The following GLS variants were observed in gnomAD, a reference collection of about 807,000 sequenced individuals.
GLS encodes glutaminase kidney isoform, mitochondrial.
In GLS, 36 loss-of-function variants were observed where a neutral mutation model predicts 86.7. That is an observed-to-expected ratio of 0.42 (90% confidence interval 0.32 to 0.55). The LOEUF (loss-of-function observed/expected upper bound fraction) is 0.55, where lower values mean the gene tolerates loss of function less well. GLS is among the 20% of genes least tolerant of loss of function. The pLI, the probability that GLS is intolerant of heterozygous loss-of-function variation, is 0.17. For synonymous variants in GLS, 317 were observed against 305.9 expected, an observed-to-expected ratio of 1.04 and a Z score of -0.38; for missense variants, 528 against 833.4, an observed-to-expected ratio of 0.63 and a Z score of 4.51.
rs1295429009 is a variant in GLS at position 190,935,728 on chromosome 2, A to C, written c.1650+4091A>C. Among the ~76,000 whole-genome samples, 2 of 151,294 alleles carry C rather than the reference A, an allele frequency of 1.3e-5. No individual in the cohort carries two copies. Among genetic ancestry groups the C allele is most frequent in the Non-Finnish European group, 3.0e-5 (2 of 67,324 alleles). ...TAATAGGAAAAACATTGCTAAACCA[A>C]ATGAAGAGTATCATCATATTGCTTT... On this transcript the variant is annotated intron_variant, in intron 14 of 17. Coordinates refer to ENST00000320717, the MANE Select transcript of GLS (RefSeq NM_014905.5). This position sits in a 1 kb window ranked among gnomAD's most constrained non-coding sequence, Gnocchi z 4.2.
In GLS at chr2:190,920,959, T is replaced by C. The variant is rs746995268; in HGVS notation, c.1039-65T>C. ...TAATAGTAGCTTTGAAATTTTGATA[T>C]TGGCTTGAAACTTAACTGTAGTGGT... On this transcript the variant is annotated intron_variant, in intron 7 of 17. Transcript: ENST00000320717. The surrounding 1 kb of genome is among the most constrained non-coding windows in gnomAD (Gnocchi z 4.2). 4 of 827,442 alleles carry C rather than the reference T, an allele frequency of 4.8e-6. No homozygotes were observed. In the African/African-American group the frequency reaches 5.1e-5, roughly 11 times the overall value. 51.3% of individuals were successfully genotyped at this position (827,442 alleles called of 1,614,324 possible). A position where few individuals can be genotyped will look rare whatever the true frequency, so the allele number is the denominator to read the frequency against.
At chr2:190,941,640 G>C (rs1489916125) in intron 14 of GLS, among the ~76,000 whole-genome samples, 1 of 152,110 alleles carries the variant, frequency 6.6e-6, no homozygotes, top group Non-Finnish European at 1.5e-5. Context: ...AGTTTTGAAG[G>C]AGTCAGAGGA....
intron 14 of GLS, chr2:190,933,496 T>A: frequency 3.3e-6 from 3 of 898,144 alleles, no homozygotes; most frequent in Non-Finnish European, 4.0e-6. Flanking sequence ...TTTTTTATTT[T>A]GCAACTCCTC....
chr2:190,936,595 C>G (rs1424947382), intron 14 of GLS, among the ~76,000 whole-genome samples: 1 of 150,982 alleles, frequency 6.6e-6, no homozygotes, highest in East Asian at 1.9e-4. Context: ...GTTTCTGTTA[C>G]CATTCCCATT....
intron 14 of GLS, among the ~76,000 whole-genome samples, chr2:190,936,063 G>A (rs548150897): frequency 1.9e-4 from 29 of 151,060 alleles, no homozygotes; most frequent in Non-Finnish European, 3.1e-4. Flanking sequence ...TTAATCTGTG[G>A]GATTTTTAAA....
chr2:190,884,489 C>T (rs1375704564), intron 1 of GLS, among the ~76,000 whole-genome samples: 1 of 152,194 alleles, frequency 6.6e-6, no homozygotes, highest in Non-Finnish European at 1.5e-5. Flanking sequence ...ATTAAAGTCA[C>T]AAACTATGTT....
chr2:190,929,372 A>C (rs1690024625), intron 12 of GLS, among the ~76,000 whole-genome samples: 1 of 152,156 alleles, frequency 6.6e-6, no homozygotes, highest in Non-Finnish European at 1.5e-5. Context: ...GGAAGAATAA[A>C]AGCATCCATA....
In GLS at chr2:190,897,874, T is replaced by C. The variant is rs1688800471; in HGVS notation, c.605+2149T>C. Among the ~76,000 whole-genome samples, 2 of 152,210 alleles carry C rather than the reference T, an allele frequency of 1.3e-5. No homozygotes were observed. Among genetic ancestry groups the C allele is most frequent in the African/African-American group, 4.8e-5 (2 of 41,452 alleles). On this transcript the variant is annotated intron_variant, in intron 3 of 17. Coordinates refer to ENST00000320717, the MANE Select transcript of GLS (RefSeq NM_014905.5). The surrounding 1 kb of genome is among the most constrained non-coding windows in gnomAD (Gnocchi z 4.3). ...TGTAGATTAATATTTTTAGACTTTTTCGGTAATCTGAGAAAACTATTATGT... is the reference window on the plus strand; with the variant it reads ...TGTAGATTAATATTTTTAGACTTTTCCGGTAATCTGAGAAAACTATTATGT...
Position 190,918,848 on chromosome 2 carries a change from G to A in GLS, c.1039-2176G>A, listed in dbSNP as rs146276905. Among the ~76,000 whole-genome samples, 247 of 152,230 alleles carry A rather than the reference G, an allele frequency of 1.6e-3. 1 individual carries two copies. Among genetic ancestry groups the A allele is most frequent in the African/African-American group, 5.4e-3 (225 of 41,556 alleles). The stretch of plus-strand genomic sequence containing the variant: ...TATTGTTGTGTCTCAGGGAATAGGG[G>A]TCCCCAAGGAGAGGGAGAGAGATGG... On this transcript the variant is annotated intron_variant, in intron 7 of 17. Transcript: ENST00000320717.
In GLS at chr2:190,930,606, A is replaced by C; in HGVS notation, c.1557+38A>C. On this transcript the variant is annotated intron_variant, in intron 13 of 17. Coordinates refer to ENST00000320717, the MANE Select transcript of GLS (RefSeq NM_014905.5). The surrounding 1 kb of genome is among the most constrained non-coding windows in gnomAD (Gnocchi z 5.0). ...TCTTAATGTAAATAATGGTGTTACAAGTTGAGCCATCCAATGATTCTTTTT... is the reference window on the plus strand; with the variant it reads ...TCTTAATGTAAATAATGGTGTTACACGTTGAGCCATCCAATGATTCTTTTT... 1.9e-6 allele frequency: 3 copies of C among 1,572,208 alleles called. No homozygotes were observed. Among genetic ancestry groups the C allele is most frequent in the Non-Finnish European group, 2.6e-6 (3 of 1,154,872 alleles).
Position 190,913,751 on chromosome 2 carries a change from A to G in GLS, c.1038+3430A>G. The G allele has an allele frequency of 1.0e-6, 1 of 979,302 alleles. No individual in the cohort carries two copies. Among genetic ancestry groups the G allele is most frequent in the Non-Finnish European group, 1.2e-6 (1 of 824,378 alleles). The allele number at this position is 979,302 out of a possible 1,614,324, so 60.7% of individuals were successfully genotyped here. A position where few individuals can be genotyped will look rare whatever the true frequency, so the allele number is the denominator to read the frequency against. On this transcript the variant is annotated intron_variant, in intron 7 of 17. Transcript: ENST00000320717. The surrounding 1 kb of genome is among the most constrained non-coding windows in gnomAD (Gnocchi z 6.1). ...GCCACACTTAATGCTTTTTCATGTT[A>G]GAAATAGTAAAAGTTACACTGTCTT...
chr2:190,937,828 C>T lies in GLS; in HGVS notation c.1650+6191C>T, dbSNP rs138115980. 5.4e-3 allele frequency among the ~76,000 whole-genome samples: 774 copies of T among 143,904 alleles called. 8 individuals carry two copies. The highest frequency in any genetic ancestry group is 0.018 in the African/African-American group (729 of 39,662). 94.4% of individuals were successfully genotyped at this position (143,904 alleles called of 152,430 possible). On this transcript the variant is annotated intron_variant, in intron 14 of 17. Coordinates refer to ENST00000320717, the MANE Select transcript of GLS (RefSeq NM_014905.5). ...CACTTGGATTGCATTGCTTTTTTGG[C>T]GGAATCTGTGGGTTTTTTTTTTTTT...
intron 7 of GLS, among the ~76,000 whole-genome samples, chr2:190,916,293 T>G (rs1445623836): frequency 6.6e-6 from 1 of 152,176 alleles, no homozygotes; most frequent in Admixed American, 6.5e-5. Context: ...CAGCTCTCAT[T>G]TATGCATGCC....
chr2:190,900,191 C>G (rs1688892290), intron 3 of GLS, among the ~76,000 whole-genome samples: 1 of 152,082 alleles, frequency 6.6e-6, no homozygotes, highest in Non-Finnish European at 1.5e-5. Flanking sequence ...GGTAAATAAA[C>G]AAGATCTCAA....
At position 190,930,741 on chromosome 2, in the gene GLS, G is replaced by A. The variant is rs1690082107; in HGVS notation, c.1557+173G>A. Reference sequence around the variant, plus strand: ...GAGGAGCTTCAAGTTGTCTCTGTCAGACAGCTCCCATTTAATTATTCCCAC... The same window carrying A: ...GAGGAGCTTCAAGTTGTCTCTGTCAAACAGCTCCCATTTAATTATTCCCAC... On this transcript the variant is annotated intron_variant, in intron 13 of 17. Coordinates refer to ENST00000320717, the MANE Select transcript of GLS (RefSeq NM_014905.5). This position sits in a 1 kb window ranked among gnomAD's most constrained non-coding sequence, Gnocchi z 5.0. 6.6e-6 allele frequency among the ~76,000 whole-genome samples: 1 copy of A among 152,100 alleles called. No homozygotes were observed. The highest frequency in any genetic ancestry group is 1.5e-5 in the Non-Finnish European group (1 of 68,014).
At position 190,897,470 on chromosome 2, in the gene GLS, A is replaced by T. The variant is rs961384273; in HGVS notation, c.605+1745A>T. Among the ~76,000 whole-genome samples, 2 of 152,208 alleles carry T rather than the reference A, an allele frequency of 1.3e-5. No individual in the cohort carries two copies. The highest frequency in any genetic ancestry group is 2.9e-5 in the Non-Finnish European group (2 of 68,030). ...TTTTAAACACTAATCCAATTTTTAAAAATCTATGCTTGTAATACAGGCAGT... is the reference window on the plus strand; with the variant it reads ...TTTTAAACACTAATCCAATTTTTAATAATCTATGCTTGTAATACAGGCAGT... On this transcript the variant is annotated intron_variant, in intron 3 of 17. Transcript: ENST00000320717. The surrounding 1 kb of genome is among the most constrained non-coding windows in gnomAD (Gnocchi z 4.3).
chr2:190,896,697 T>G (rs995270589), intron 3 of GLS: 1 of 152,234 alleles, frequency 6.6e-6, no homozygotes, highest in African/African-American at 2.4e-5. Flanking sequence ...CTTGGGTTTC[T>G]TATCTTTTCA....
rs574751361 is a variant in GLS, at chr2:190,953,093, G to T, written c.1651-472G>T. On this transcript the variant is annotated intron_variant, in intron 14 of 17. Transcript: ENST00000320717. This position sits in a 1 kb window ranked among gnomAD's most constrained non-coding sequence, Gnocchi z 4.0. ...TTTAAGATGACAGTTAACACTGAAT[G>T]TTCTCTCTTAAGATTTGCAAAGAAG... is the stretch of plus-strand genomic sequence containing the variant. Among the ~76,000 whole-genome samples, 11 of 152,320 alleles carry T rather than the reference G, an allele frequency of 7.2e-5. No homozygotes were observed. In the South Asian group the frequency reaches 2.1e-3, roughly 29 times the overall value.
intron 14 of GLS, among the ~76,000 whole-genome samples, chr2:190,948,656 G>A (rs1690638956): frequency 6.6e-6 from 1 of 152,180 alleles, no homozygotes; most frequent in Non-Finnish European, 1.5e-5. Context: ...ATATACAGGG[G>A]AATTTGGATT....
Sources: allele counts gnomAD v4.1 joint callset (sites outside exome capture counted in the v4.1 genomes callset), GRCh38; gene constraint gnomAD v4.1.1; non-coding constraint Gnocchi (gnomAD v3.1); transcripts MANE v1.5; gene names NCBI Gene and HGNC (gene_info 2026-07-23, HGNC 2026-07-21).